The following BIN3 variants were observed in gnomAD, a reference collection of about 807,000 sequenced individuals.
The protein encoded by BIN3 is bridging integrator 3.
A neutral mutation model predicts 38.2 loss-of-function variants in BIN3; 41 were observed. That is an observed-to-expected ratio of 1.07 (90% CI 0.84 to 1.39). BIN3 has a LOEUF of 1.39. BIN3 is among the 40% of genes most tolerant of loss of function. The pLI is 0.00. For synonymous variants in BIN3, 145 were observed against 122.6 expected, an observed-to-expected ratio of 1.18 and a Z score of -1.21; for missense variants, 361 against 324.3, an observed-to-expected ratio of 1.11 and a Z score of -0.87.
intron 1 of BIN3, among the ~76,000 whole-genome samples, chr8:22,651,076 T>C (rs187775887): frequency 6.6e-6 from 1 of 152,200 alleles, no homozygotes; most frequent in Non-Finnish European, 1.5e-5. Context: ...GCTCCAGCTA[T>C]GCCACTCCCA....
chr8:22,623,442 C>T (rs562140589), intron 8 of BIN3, among the ~76,000 whole-genome samples: 232 of 152,286 alleles, frequency 1.5e-3, no homozygotes, highest in African/African-American at 5.2e-3. Flanking sequence ...TCTGGAGCCC[C>T]CTTCCTTAGT....
At chr8:22,630,674 C>T in intron 4 of BIN3, 96 bp from the exon 5 acceptor site, 1 of 1,413,060 alleles carries the variant, frequency 7.1e-7, no homozygotes, top group Non-Finnish European at 9.6e-7. Flanking sequence ...GGGCCTGCAC[C>T]CTGAAGACCT....
intron 1 of BIN3, among the ~76,000 whole-genome samples, chr8:22,663,338 A>G (rs1803300458): frequency 6.7e-6 from 1 of 149,072 alleles, no homozygotes; most frequent in Non-Finnish European, 1.5e-5. Context: ...TCAGGAGGCT[A>G]AGGCAGAAGG....
chr8:22,649,713 A>AACAAAC (rs910781840), intron 1 of BIN3, among the ~76,000 whole-genome samples: 2 of 151,986 alleles, frequency 1.3e-5, no homozygotes, highest in African/African-American at 4.8e-5. Context: ...CAAAAACAAA[A>AACAAAC]ACAAACAAAC....
chr8:22,637,236 G>A (rs1802398101), intron 2 of BIN3, among the ~76,000 whole-genome samples: 1 of 152,200 alleles, frequency 6.6e-6, no homozygotes, highest in African/African-American at 2.4e-5. Flanking sequence ...CTGGGAGCAA[G>A]GCACTCGCTG....
At chr8:22,652,404 G>A (rs983319638) in intron 1 of BIN3, among the ~76,000 whole-genome samples, 11 of 152,296 alleles carry the variant, frequency 7.2e-5, no homozygotes, top group African/African-American at 1.9e-4. Context: ...CTTTTCTCTT[G>A]GGCAGGTAAA....
At chr8:22,644,641 G>T in intron 2 of BIN3, 114 bp downstream of exon 2, 1 of 984,398 alleles carries the variant, frequency 1.0e-6, no homozygotes, top group Admixed American at 2.0e-5. Context: ...CAGGAAGAAG[G>T]CCCAGGTTGC....
At chr8:22,628,295 G>C (rs1802069089) in intron 6 of BIN3, among the ~76,000 whole-genome samples, 1 of 152,192 alleles carries the variant, frequency 6.6e-6, no homozygotes, top group Non-Finnish European at 1.5e-5. Flanking sequence ...ATGTGGCCGT[G>C]ATCTTCATCA....
chr8:22,651,582 T>G (rs1802892197), intron 1 of BIN3, among the ~76,000 whole-genome samples: 1 of 152,220 alleles, frequency 6.6e-6, no homozygotes, highest in African/African-American at 2.4e-5. Context: ...GGGCATAGAA[T>G]TAAAGGCTGG....
At chr8:22,634,246 T>G (rs1480366474) in intron 4 of BIN3, among the ~76,000 whole-genome samples, 1 of 152,000 alleles carries the variant, frequency 6.6e-6, no homozygotes, top group Non-Finnish European at 1.5e-5. Context: ...GCAGACAAAC[T>G]CCCAAATCCA....
At chr8:22,628,432 A>G (rs1025274938) in intron 6 of BIN3, among the ~76,000 whole-genome samples, 5 of 152,140 alleles carry the variant, frequency 3.3e-5, no homozygotes, top group African/African-American at 7.2e-5. Flanking sequence ...GGGAGATCGT[A>G]TGTCAGCTGT....
intron 1 of BIN3, among the ~76,000 whole-genome samples, chr8:22,665,426 T>G (rs1803384624): frequency 6.6e-6 from 1 of 152,066 alleles, no homozygotes; most frequent in Non-Finnish European, 1.5e-5. Flanking sequence ...ACTCAAGAAC[T>G]CACAGACAAG....
At chr8:22,653,596 C>T (rs1802965545) in intron 1 of BIN3, among the ~76,000 whole-genome samples, 1 of 152,220 alleles carries the variant, frequency 6.6e-6, no homozygotes, top group African/African-American at 2.4e-5. Context: ...AAACAGTATA[C>T]TCCCAATTCA....
chr8:22,639,119 G>A (rs1233437095), intron 2 of BIN3, among the ~76,000 whole-genome samples: 1 of 152,204 alleles, frequency 6.6e-6, no homozygotes, highest in Non-Finnish European at 1.5e-5. Flanking sequence ...TCTGTACTTT[G>A]GTGTCAGCCT....
chr8:22,665,102 A>T (rs1462238407), intron 1 of BIN3, among the ~76,000 whole-genome samples: 2 of 152,204 alleles, frequency 1.3e-5, no homozygotes, highest in Non-Finnish European at 2.9e-5. Flanking sequence ...GTGCTACAGG[A>T]GAAGCACTAT....
At chr8:22,653,348 TG>T (rs147592624) in intron 1 of BIN3, among the ~76,000 whole-genome samples, 1,739 of 152,344 alleles carry the variant, frequency 0.011, 41 homozygotes, top group African/African-American at 0.04. Flanking sequence ...TACTCACTTT[TG>T]GTACAATTGG....
rs747408772 is a variant in BIN3, at chr8:22,630,478, C to T, written c.261G>A (p.Thr87=). Residue 87 remains threonine, a synonymous_variant, in exon 5 of 9, where the codon ACG becomes ACA. Transcript: ENST00000276416. ...DLLNMVTALD[T]AMKRMDAFNQ... ...TGAAGGCATCCATCCGCTTCATGGC[C>T]GTGTCCAGGGCCGTCACCATGTTCA... is the stretch of plus-strand genomic sequence containing the variant. The T allele has an allele frequency of 2.5e-6, 4 of 1,614,012 alleles. No individual in the cohort carries two copies. The highest frequency in any genetic ancestry group is 2.5e-6 in the Non-Finnish European group (3 of 1,179,878).
chr8:22,628,587 G>A (rs1313933375), intron 6 of BIN3, among the ~76,000 whole-genome samples: 1 of 152,190 alleles, frequency 6.6e-6, no homozygotes. Flanking sequence ...AGTGGCCGGG[G>A]TTTCTCTCCA....
At chr8:22,663,950 C>T (rs543266081) in intron 1 of BIN3, among the ~76,000 whole-genome samples, 2 of 152,356 alleles carry the variant, frequency 1.3e-5, no homozygotes, top group Admixed American at 1.3e-4. Context: ...ACTTTCCATA[C>T]ACCGGCTGAA....
Sources: gnomAD v4.1 joint callset for allele counts (sites outside exome capture counted in the v4.1 genomes callset) on GRCh38, gnomAD v4.1.1 for gene constraint, MANE v1.5 for transcripts, NCBI Gene and HGNC (gene_info 2026-07-23, HGNC 2026-07-21) for gene names.